The following HDAC2 variants were observed in gnomAD, a reference collection of about 807,000 sequenced individuals.
HDAC2 encodes the protein histone deacetylase 2, also known as YY1-associated factor 1.
Under a neutral mutation model 68.5 loss-of-function variants are expected in HDAC2, and 5 were observed. That is an observed-to-expected ratio of 0.07 (90% confidence interval 0.04 to 0.15). The LOEUF (loss-of-function observed/expected upper bound fraction) is 0.15, where lower values mean the gene tolerates loss of function less well. HDAC2 is among the 10% of genes least tolerant of loss of function. The pLI is 1.00. For missense variants in HDAC2, 291 were observed against 600.8 expected (o/e 0.48, Z 5.39); for synonymous variants, 182 against 191.3 (o/e 0.95, Z 0.40).
rs1582473999 is a variant in HDAC2, at chr6:113,940,197, T to C, written c.*861A>G. The C allele has an allele frequency of 6.6e-6, 1 of 152,332 alleles. No homozygotes were observed. Among genetic ancestry groups the C allele is most frequent in the South Asian group, 2.1e-4 (1 of 4,830 alleles). The allele number at this position is 152,332 out of a possible 1,614,324, so 9.4% of individuals were successfully genotyped here. The stretch of plus-strand genomic sequence containing the variant: ...AGACACACAATAAGTAGTTGCTGAA[T>C]GATAAATCAGTTGTGTTTATTTCCT... On this transcript the variant is annotated 3_prime_UTR_variant, in exon 14 of 14. Coordinates refer to ENST00000519065, the MANE Select transcript of HDAC2 (RefSeq NM_001527.4).
chr6:113,969,598 T>C (rs918490146), intron 1 of HDAC2: 1 of 152,210 alleles, frequency 6.6e-6, no homozygotes, highest in Non-Finnish European at 1.5e-5. Flanking sequence ...ATCCCTTCTC[T>C]CAAGAGTAAC....
At chr6:113,969,663 C>T (rs985032707) in intron 1 of HDAC2, 1 of 152,192 alleles carries the variant, frequency 6.6e-6, no homozygotes, top group East Asian at 1.9e-4. Context: ...GGTTACTACT[C>T]CATTGAGCAA....
chr6:113,961,878 T>C (rs146976311), intron 1 of HDAC2, among the ~76,000 whole-genome samples: 144 of 152,264 alleles, frequency 9.5e-4, no homozygotes, highest in African/African-American at 3.3e-3. Flanking sequence ...TAATTTCCAA[T>C]ATCACCTAAA....
At chr6:113,954,263 A>G (rs1309679473) in intron 5 of HDAC2, among the ~76,000 whole-genome samples, 1 of 152,238 alleles carries the variant, frequency 6.6e-6, no homozygotes, top group Admixed American at 6.5e-5. Flanking sequence ...TTATTATATA[A>G]TGGTGCCATA....
Position 113,940,896 on chromosome 6 carries a change from A to G in HDAC2, c.*162T>C. On this transcript the variant is annotated 3_prime_UTR_variant, in exon 14 of 14. Transcript: ENST00000519065. ...TGCTTCATAATTAGAAAAACTCACA[A>G]TAAAACTTGCCAAGAAAAACAAAAA... 1 of 513,368 alleles carries G rather than the reference A, an allele frequency of 1.9e-6. No homozygotes were observed. Among genetic ancestry groups the G allele is most frequent in the Non-Finnish European group, 3.4e-6 (1 of 295,898 alleles). 31.8% of individuals were successfully genotyped at this position (513,368 alleles called of 1,614,324 possible). A position where few individuals can be genotyped will look rare whatever the true frequency, so the allele number is the denominator to read the frequency against.
intron 8 of HDAC2, chr6:113,948,735 G>A: frequency 2.4e-6 from 1 of 415,260 alleles, no homozygotes; most frequent in Middle Eastern, 6.2e-4. Flanking sequence ...TTCAAAAATA[G>A]CTGCCTTGGG....
intron 5 of HDAC2, among the ~76,000 whole-genome samples, chr6:113,954,141 A>G (rs186905372): frequency 2.0e-4 from 31 of 152,346 alleles, no homozygotes; most frequent in Admixed American, 7.8e-4. Flanking sequence ...CCATGTCATG[A>G]CATTTTGTTA....
At chr6:113,945,736 G>A (rs185402744) in intron 9 of HDAC2, among the ~76,000 whole-genome samples, 70 of 152,222 alleles carry the variant, frequency 4.6e-4, no homozygotes, top group African/African-American at 1.6e-3. Context: ...CTTGTATTCA[G>A]TACATTACAT....
rs887386902 is a variant in HDAC2, at chr6:113,935,687, T to G, written c.*5371A>C. ...CTACTCATTTTACCTTAGAAATAAT[T>G]ATACATTTCTTTAACATTTAGAGTA... is the stretch of plus-strand genomic sequence containing the variant. On this transcript the variant is annotated 3_prime_UTR_variant, in exon 14 of 14. Coordinates refer to ENST00000519065, the MANE Select transcript of HDAC2 (RefSeq NM_001527.4). 11 of 152,232 alleles carry G rather than the reference T, an allele frequency of 7.2e-5. No homozygotes were observed. Among genetic ancestry groups the G allele is most frequent in the Non-Finnish European group, 1.5e-4 (10 of 68,036 alleles). 9.4% of individuals were successfully genotyped at this position (152,232 alleles called of 1,614,324 possible). A position where few individuals can be genotyped will look rare whatever the true frequency, so the allele number is the denominator to read the frequency against.
intron 13 of HDAC2, among the ~76,000 whole-genome samples, 172 bp downstream of exon 13, chr6:113,941,536 A>G (rs1776134630): frequency 6.6e-6 from 1 of 152,154 alleles, no homozygotes; most frequent in African/African-American, 2.4e-5. Context: ...CCAATAGGTA[A>G]GATGGCATAT....
At chr6:113,955,916 G>T in intron 5 of HDAC2, 97 bp downstream of exon 5, 1 of 833,228 alleles carries the variant, frequency 1.2e-6, no homozygotes, top group East Asian at 2.9e-5. Flanking sequence ...TTCAACCTAT[G>T]GTTTACCTAA....
intron 5 of HDAC2, 180 bp downstream of exon 5, chr6:113,955,833 G>T: frequency 1.9e-6 from 1 of 537,482 alleles, no homozygotes; most frequent in South Asian, 3.1e-5. Flanking sequence ...CTTAATAATT[G>T]AAGAATTGGG....
intron 1 of HDAC2, among the ~76,000 whole-genome samples, chr6:113,965,119 C>T (rs1776781006): frequency 6.6e-6 from 1 of 152,180 alleles, no homozygotes; most frequent in African/African-American, 2.4e-5. Context: ...GGCTTTCCAC[C>T]TCTGGGTAAA....
chr6:113,956,869 A>G (rs1165476092), intron 3 of HDAC2, 176 bp from the exon 4 acceptor site: 1 of 544,074 alleles, frequency 1.8e-6, no homozygotes, highest in East Asian at 2.9e-5. Flanking sequence ...TATCCAAGGT[A>G]ATTAAAGTGT....
rs150169061 is a variant in HDAC2 at position 113,967,226 on chromosome 6, T to G, written c.52+3631A>C. On this transcript the variant is annotated intron_variant, in intron 1 of 13. Transcript: ENST00000519065. ...TCACTGCAACCTGCACCTCCTGGGT[T>G]CAAGCCATTCTCCTGCCTCAGCCTC... 3.5e-3 allele frequency among the ~76,000 whole-genome samples: 532 copies of G among 152,300 alleles called. 10 individuals are homozygous for G. Among genetic ancestry groups the G allele is most frequent in the East Asian group, 0.03 (155 of 5,186 alleles).
chr6:113,941,136 T>G, intron 13 of HDAC2, 48 bp from the exon 14 acceptor site: 1 of 1,409,230 alleles, frequency 7.1e-7, no homozygotes, highest in Non-Finnish European at 1.0e-6. Flanking sequence ...CAATCTTGGT[T>G]TAAATGCACT....
chr6:113,940,937 A>C lies in HDAC2; in HGVS notation c.*121T>G. ...AAAACAAAAACGAAAAAGCCATTTG[A>C]AAATAAATACAGTCCATGCCAAAGT... is the stretch of plus-strand genomic sequence containing the variant. On this transcript the variant is annotated 3_prime_UTR_variant, in exon 14 of 14. Transcript: ENST00000519065. 1 of 663,588 alleles carries C rather than the reference A, an allele frequency of 1.5e-6. No homozygotes were observed. The highest frequency in any genetic ancestry group is 2.4e-6 in the Non-Finnish European group (1 of 413,420). The allele number at this position is 663,588 out of a possible 1,614,324, so 41.1% of individuals were successfully genotyped here. A position where few individuals can be genotyped will look rare whatever the true frequency, so the allele number is the denominator to read the frequency against.
chr6:113,945,526 C>A lies in HDAC2; in HGVS notation c.983-56G>T, dbSNP rs146302983. 4.6e-5 allele frequency: 39 copies of A among 851,542 alleles called. No individual in the cohort carries two copies. In the East Asian group the frequency reaches 6.6e-4, roughly 14 times the overall value. 52.7% of individuals were successfully genotyped at this position (851,542 alleles called of 1,614,324 possible). A position where few individuals can be genotyped will look rare whatever the true frequency, so the allele number is the denominator to read the frequency against. On this transcript the variant is annotated intron_variant, in intron 9 of 13. Transcript: ENST00000519065. ...TTACAAGCTCAGTTTTCACAAAAAACCATGCACAGAATCCAGATTTAGGTG... is the reference window on the plus strand; with the variant it reads ...TTACAAGCTCAGTTTTCACAAAAAAACATGCACAGAATCCAGATTTAGGTG...
chr6:113,965,030 A>G (rs2114619632), intron 1 of HDAC2, among the ~76,000 whole-genome samples: 1 of 152,336 alleles, frequency 6.6e-6, no homozygotes, highest in East Asian at 1.9e-4. Flanking sequence ...TATGTGTTCA[A>G]TTCTTGCTTC....
Sources: allele counts gnomAD v4.1 joint callset (sites outside exome capture counted in the v4.1 genomes callset), GRCh38; gene constraint gnomAD v4.1.1; transcripts MANE v1.5; gene names NCBI Gene and HGNC (gene_info 2026-07-23, HGNC 2026-07-21).